Variants in SLC19A1 observed in about 807,000 individuals in gnomAD.
The protein encoded by SLC19A1 is solute carrier family 19 member 1, also known as reduced folate transporter.
Under a neutral mutation model 35.3 loss-of-function variants are expected in SLC19A1, and 37 were observed. The observed-to-expected ratio is 1.05, with a 90% CI of 0.81 to 1.38. The LOEUF is 1.38. SLC19A1 is among the 40% of genes most tolerant of loss of function. The pLI is 0.00. For missense variants in SLC19A1, 831 were observed against 826.9 expected (o/e 1.00, Z -0.06); for synonymous variants, 460 against 398.5 (o/e 1.15, Z -1.84).
downstream of SLC19A1, among the ~76,000 whole-genome samples, chr21:45,508,537 G>A (rs563493004): frequency 6.6e-6 from 1 of 152,186 alleles, no homozygotes; most frequent in East Asian, 1.9e-4. Context: ...TGGGTGGATG[G>A]ATGGGTAGAA....
chr21:45,507,469 TGCTGGGGCGGGAGAGTCGGGTGCTGGGCA>T, intron 3 of SLC19A1: 1 of 392,444 alleles, frequency 2.5e-6, no homozygotes, highest in Non-Finnish European at 3.5e-6. Flanking sequence ...GAGGGCCAGG[TGCTGGGGCGGGAGAGTCGGGTGCTGGGCA>T]GGGAGGGCAC....
In SLC19A1 at chr21:45,537,903, G is replaced by T; in HGVS notation, c.57C>A (p.Asp19Glu). 3 of 1,596,636 alleles carry T rather than the reference G, an allele frequency of 1.9e-6. No individual in the cohort carries two copies. The highest frequency in any genetic ancestry group is 1.1e-5 in the South Asian group (1 of 88,780). Residue 19 changes from aspartate (D) to glutamate (E), a missense_variant, in exon 2 of 6, where the codon GAC becomes GAA. Asp to Glu is a conservative substitution (Grantham distance 45, BLOSUM62 2). Coordinates refer to ENST00000311124, the MANE Select transcript of SLC19A1 (RefSeq NM_194255.4). ...EKQVPVEPGP[D>E]PELRSWRHLV... is the part of the protein sequence containing the mutation. ...GGTGCCGCCAGGACCGGAGCTCGGG[G>T]TCAGGCCCAGGTTCCACGGGCACCT... is the stretch of plus-strand genomic sequence containing the variant.
chr21:45,509,353 C>A (rs76111813), downstream of SLC19A1: 1 of 1,545,970 alleles, frequency 6.5e-7, no homozygotes, highest in East Asian at 2.4e-5. Flanking sequence ...CTCCCACCTG[C>A]AGGACAATGA....
downstream of SLC19A1, among the ~76,000 whole-genome samples, chr21:45,508,426 G>A (rs900662524): frequency 1.3e-5 from 2 of 150,404 alleles, no homozygotes; most frequent in African/African-American, 2.5e-5. Flanking sequence ...ATGAATGGGT[G>A]GATGGATGGT....
chr21:45,525,776 T>G, intron 5 of SLC19A1, 41 bp downstream of exon 5: 4 of 1,604,966 alleles, frequency 2.5e-6, no homozygotes, highest in Non-Finnish European at 3.4e-6. Flanking sequence ...TCCCCACAAG[T>G]AGCTTCCATC....
At chr21:45,509,963 C>T (rs147497197), downstream of SLC19A1, 671 of 1,359,244 alleles carry the variant, frequency 4.9e-4, 4 homozygotes, top group East Asian at 0.012. Context: ...GCCCCTCGGC[C>T]GTGCCTGTCC....
At chr21:45,508,105 G>C (rs1181197589), downstream of SLC19A1, among the ~76,000 whole-genome samples, 1 of 143,560 alleles carries the variant, frequency 7.0e-6, no homozygotes, top group Non-Finnish European at 1.5e-5. Flanking sequence ...GATGGATGGT[G>C]GTCAGGCGGG....
chr21:45,505,793 CGCCCT>C, intron 3 of SLC19A1: 6 of 1,428,022 alleles, frequency 4.2e-6, no homozygotes, highest in Non-Finnish European at 5.8e-6. Context: ...CCCTGCCCCC[CGCCCT>C]CCCCGCCAAG....
intron 4 of SLC19A1, 39 bp from the exon 5 acceptor site, chr21:45,525,997 G>C: frequency 6.2e-7 from 1 of 1,600,224 alleles, no homozygotes; most frequent in Non-Finnish European, 8.5e-7. Flanking sequence ...GCTGCTGGGA[G>C]AATAAGCAGC....
intron 1 of SLC19A1, among the ~76,000 whole-genome samples, chr21:45,562,418 G>A (rs781697160): frequency 3.3e-5 from 5 of 152,158 alleles, no homozygotes; most frequent in Non-Finnish European, 5.9e-5. Flanking sequence ...TCCACTAACA[G>A]CCTGGGAGGA....
chr21:45,503,952 G>A, intron 3 of SLC19A1: 4 of 1,605,424 alleles, frequency 2.5e-6, no homozygotes, highest in Non-Finnish European at 3.4e-6. Flanking sequence ...GGGCTGCAGA[G>A]GGAACCCGGC....
In SLC19A1 at chr21:45,530,729, G is replaced by A; in HGVS notation, c.1151+41C>T. 6.5e-7 allele frequency: 1 copy of A among 1,538,166 alleles called. No individual in the cohort carries two copies. Among genetic ancestry groups the A allele is most frequent in the Non-Finnish European group, 8.8e-7 (1 of 1,138,590 alleles). ...CAGCGAAGCGCGGGGCTTGATCCTGGCGCCTGCCCGCCCCCGGCTTCCCAC... is the reference window on the plus strand; with the variant it reads ...CAGCGAAGCGCGGGGCTTGATCCTGACGCCTGCCCGCCCCCGGCTTCCCAC... On this transcript the variant is annotated intron_variant, in intron 4 of 5. Transcript: ENST00000311124. This position sits in a 1 kb window ranked among gnomAD's most constrained non-coding sequence, Gnocchi z 5.3.
intron 1 of SLC19A1, among the ~76,000 whole-genome samples, chr21:45,538,514 G>A (rs1273123735): frequency 6.6e-6 from 1 of 152,198 alleles, no homozygotes; most frequent in African/African-American, 2.4e-5. Context: ...GGAGGCCGGG[G>A]TCACACCACA....
chr21:45,539,246 T>C (rs1469174541), intron 1 of SLC19A1, among the ~76,000 whole-genome samples: 1 of 152,182 alleles, frequency 6.6e-6, no homozygotes, highest in Non-Finnish European at 1.5e-5. Context: ...CACGTCTGTA[T>C]CAGCTGACCT....
chr21:45,521,116 A>C (rs2077427263), intron 5 of SLC19A1, among the ~76,000 whole-genome samples: 1 of 152,184 alleles, frequency 6.6e-6, no homozygotes, highest in Non-Finnish European at 1.5e-5. Context: ...TGCCAACTGC[A>C]AGCCAAGAAG....
Position 45,515,516 on chromosome 21 carries a change from G to A in SLC19A1, c.*142C>T, listed in dbSNP as rs567350353. 1.6e-5 allele frequency: 25 copies of A among 1,516,662 alleles called. No homozygotes were observed. Among genetic ancestry groups the A allele is most frequent in the East Asian group, 1.1e-4 (5 of 44,410 alleles). 94.0% of individuals were successfully genotyped at this position (1,516,662 alleles called of 1,614,324 possible). On this transcript the variant is annotated 3_prime_UTR_variant, in exon 6 of 6. Transcript: ENST00000311124. ...CACGCTGTGGCCACCGCCAGAGTGC[G>A]GCACAGGGCAGGGGGAATCCTAGGG...
chr21:45,524,001 G>A (rs1395936073), intron 5 of SLC19A1, among the ~76,000 whole-genome samples: 2 of 152,180 alleles, frequency 1.3e-5, no homozygotes, highest in African/African-American at 4.8e-5. Flanking sequence ...CCAGGAGGCT[G>A]TGTCCACCCA....
At chr21:45,506,975 G>GTC in intron 3 of SLC19A1, 1 of 271,580 alleles carries the variant, frequency 3.7e-6, no homozygotes, top group South Asian at 3.6e-5. Context: ...TGTGCTTGTA[G>GTC]GCACCCGGAT....
intron 4 of SLC19A1, 124 bp from the exon 5 acceptor site, chr21:45,526,082 C>T (rs1005843588): frequency 6.7e-5 from 67 of 997,228 alleles, no homozygotes; most frequent in Non-Finnish European, 9.7e-5. Flanking sequence ...TCCCAGGGCA[C>T]GCACAAGCCC....
Sources: allele counts gnomAD v4.1 joint callset (sites outside exome capture counted in the v4.1 genomes callset), GRCh38; gene constraint gnomAD v4.1.1; non-coding constraint Gnocchi (gnomAD v3.1); transcripts MANE v1.5; gene names NCBI Gene and HGNC (gene_info 2026-07-23, HGNC 2026-07-21).